ATG10: variants seen among roughly 807,000 people sequenced by gnomAD.
ATG10 encodes the protein ubiquitin-like-conjugating enzyme ATG10.
A neutral mutation model predicts 32.1 loss-of-function variants in ATG10; 30 were observed. The ratio of observed to expected loss-of-function variants is 0.94; its 90% CI spans 0.70 to 1.27. The LOEUF (loss-of-function observed/expected upper bound fraction) is 1.27, where lower values mean the gene tolerates loss of function less well. ATG10 is among the 50% of genes most tolerant of loss of function. ATG10 has a pLI of 0.00. For synonymous variants in ATG10, 87 were observed against 91.5 expected (o/e 0.95, Z 0.28); for missense variants, 233 against 262.3 (o/e 0.89, Z 0.77).
chr5:82,090,710 TG>T (rs1334173731), intron 3 of ATG10, among the ~76,000 whole-genome samples: 1 of 152,196 alleles, frequency 6.6e-6, no homozygotes, highest in Non-Finnish European at 1.5e-5. Context: ...TGCACTGCAC[TG>T]TATCAGTGCA....
At chr5:82,007,007 C>A (rs1191083057) in intron 2 of ATG10, among the ~76,000 whole-genome samples, 2 of 152,072 alleles carry the variant, frequency 1.3e-5, no homozygotes, top group Non-Finnish European at 2.9e-5. Context: ...GTGCGTGCCA[C>A]CATGCCCAGC....
At position 82,135,204 on chromosome 5, in the gene ATG10, T is replaced by G. The variant is rs189828682; in HGVS notation, c.217-29195T>G. ...CTGGATTCATTGATTTTTTGAAGGGTTTTTCATGTCTCTGTCTTCTTCAGT... is the reference window on the plus strand; with the variant it reads ...CTGGATTCATTGATTTTTTGAAGGGGTTTTCATGTCTCTGTCTTCTTCAGT... On this transcript the variant is annotated intron_variant, in intron 3 of 7. Transcript: ENST00000282185. Among the ~76,000 whole-genome samples, 538 of 152,208 alleles carry G rather than the reference T, an allele frequency of 3.5e-3. 5 individuals carry two copies. Among genetic ancestry groups the G allele is most frequent in the African/African-American group, 0.012 (518 of 41,538 alleles).
Position 82,077,431 on chromosome 5 carries a change from A to G in ATG10, c.216+18829A>G, listed in dbSNP as rs117730989. Among the ~76,000 whole-genome samples, 6 of 152,372 alleles carry G rather than the reference A, an allele frequency of 3.9e-5. No homozygotes were observed. The East Asian group carries it at 5.8e-4, about 15-fold the overall frequency. ...AGATTTTGAGCAGAATCATGAATAA[A>G]TGAGAGAAACTAGCATTTGTAATAA... On this transcript the variant is annotated intron_variant, in intron 3 of 7. Transcript: ENST00000282185.
chr5:82,115,310 C>G (rs2149819040), intron 3 of ATG10, among the ~76,000 whole-genome samples: 1 of 152,058 alleles, frequency 6.6e-6, no homozygotes, highest in African/African-American at 2.4e-5. Flanking sequence ...TATTAAAGTA[C>G]AACAGTGATG....
intron 1 of ATG10, among the ~76,000 whole-genome samples, chr5:81,985,446 C>T (rs1328137694): frequency 6.6e-6 from 1 of 152,178 alleles, no homozygotes; most frequent in Non-Finnish European, 1.5e-5. Context: ...CTCTTTCCTT[C>T]TGAGTTCAAG....
chr5:82,204,889 C>T (rs923435208), intron 5 of ATG10, among the ~76,000 whole-genome samples: 9 of 151,940 alleles, frequency 5.9e-5, no homozygotes, highest in Admixed American at 1.3e-4. Flanking sequence ...TAGAATTGGA[C>T]GTTATCAGCA....
rs753482269 is a variant in ATG10, at chr5:82,178,557, A to G, written c.423A>G (p.Leu141=). 3.7e-6 allele frequency: 6 copies of G among 1,611,842 alleles called. No homozygotes were observed. The highest frequency in any genetic ancestry group is 3.3e-5 in the Admixed American group (2 of 59,946). The stretch of plus-strand genomic sequence containing the variant: ...ATGAGTGCTATAAGATGCGACTGCT[A>G]CAGGGACCATGGGACACTATTACGC... ...GVHECYKMRL[L]QGPWDTITQQ... is the part of the protein sequence containing the mutation. Residue 141 remains leucine (L), a synonymous_variant, in exon 5 of 8, where the codon CTA becomes CTG. Coordinates refer to ENST00000282185, the MANE Select transcript of ATG10 (RefSeq NM_031482.5).
chr5:82,125,671 C>G (rs1199630438), intron 3 of ATG10, among the ~76,000 whole-genome samples: 6 of 152,154 alleles, frequency 3.9e-5, no homozygotes. Flanking sequence ...GTTGTAGTTA[C>G]CGTAGCCTTG....
In ATG10 at chr5:81,993,312, T is replaced by TTTCCTTCCTTCC. The variant is rs1387031471; in HGVS notation, c.108+5637_108+5638insCTTCCTTCCTTC. Among the ~76,000 whole-genome samples the TTTCCTTCCTTCC allele has an allele frequency of 2.7e-3, 306 of 112,472 alleles. 4 individuals carry two copies. The highest frequency in any genetic ancestry group is 7.1e-3 in the East Asian group (24 of 3,358). 73.8% of individuals were successfully genotyped at this position (112,472 alleles called of 152,430 possible). A position where few individuals can be genotyped will look rare whatever the true frequency, so the allele number is the denominator to read the frequency against. The stretch of plus-strand genomic sequence containing the variant: ...TTCCTTCTTTCTTTCCTTTCTTTCC[T>TTTCCTTCCTTCC]TTCTTTCTTTCTTTCCTTCCTTCCT... On this transcript the variant is annotated intron_variant, in intron 2 of 7. Coordinates refer to ENST00000282185, the MANE Select transcript of ATG10 (RefSeq NM_031482.5).
chr5:82,085,367 C>T (rs1006427910), intron 3 of ATG10, among the ~76,000 whole-genome samples: 13 of 151,746 alleles, frequency 8.6e-5, no homozygotes, highest in African/African-American at 3.1e-4. Flanking sequence ...ACTTAGACTC[C>T]CACACAATAA....
At chr5:82,138,572 A>G (rs996902880) in intron 3 of ATG10, among the ~76,000 whole-genome samples, 7 of 152,148 alleles carry the variant, frequency 4.6e-5, no homozygotes, top group Non-Finnish European at 8.8e-5. Context: ...ACGAGTCCCA[A>G]TGAGATGAAC....
At chr5:82,117,305 A>T (rs1433119547) in intron 3 of ATG10, among the ~76,000 whole-genome samples, 2 of 152,142 alleles carry the variant, frequency 1.3e-5, no homozygotes, top group Non-Finnish European at 2.9e-5. Flanking sequence ...TTTCACTGAG[A>T]AGAACCTTGA....
chr5:82,154,191 C>A (rs1296766145), intron 3 of ATG10, among the ~76,000 whole-genome samples: 1 of 152,116 alleles, frequency 6.6e-6, no homozygotes, highest in African/African-American at 2.4e-5. Context: ...TTTTAGTGTT[C>A]ATTAATGATG....
rs549455227 is a variant in ATG10, at chr5:82,069,406, C to T, written c.216+10804C>T. Among the ~76,000 whole-genome samples the T allele has an allele frequency of 4.6e-5, 7 of 152,150 alleles. No homozygotes were observed. The East Asian group carries it at 9.7e-4, about 21-fold the overall frequency. On this transcript the variant is annotated intron_variant, in intron 3 of 7. Coordinates refer to ENST00000282185, the MANE Select transcript of ATG10 (RefSeq NM_031482.5). ...CTTATATAGCCCCTGATATTTCATC[C>T]ACTAATACCTGAAATGCTCACTATG...
chr5:82,081,438 G>A (rs111842222), intron 3 of ATG10, among the ~76,000 whole-genome samples: 28,537 of 152,138 alleles, frequency 0.19, 3,100 homozygotes, highest in Middle Eastern at 0.28. Flanking sequence ...TCTTGTGCCA[G>A]TTTTCAAAGG....
intron 2 of ATG10, among the ~76,000 whole-genome samples, chr5:81,995,088 A>G (rs1159496679): frequency 1.3e-5 from 2 of 151,978 alleles, no homozygotes; most frequent in East Asian, 3.9e-4. Flanking sequence ...TTGAGATGCA[A>G]CCTTTGAGGA....
At chr5:82,164,269 T>C in intron 3 of ATG10, 130 bp from the exon 4 acceptor site, 1 of 911,236 alleles carries the variant, frequency 1.1e-6, no homozygotes, top group East Asian at 2.6e-5. Flanking sequence ...GAAACTCCCT[T>C]TTCCTTGCCT....
Position 82,179,826 on chromosome 5 carries a change from A to G in ATG10, c.453+1239A>G, listed in dbSNP as rs192514563. 3.0e-3 allele frequency among the ~76,000 whole-genome samples: 450 copies of G among 152,272 alleles called. 2 individuals carry two copies. Among genetic ancestry groups the G allele is most frequent in the South Asian group, 6.2e-3 (30 of 4,830 alleles). On this transcript the variant is annotated intron_variant, in intron 5 of 7. Coordinates refer to ENST00000282185, the MANE Select transcript of ATG10 (RefSeq NM_031482.5). ...AATGACAGTTTACCTCCCAATCAAC[A>G]TAAGAATCCTTAGCATCTTGTAAGT...
chr5:82,139,056 C>T (rs1398814017), intron 3 of ATG10, among the ~76,000 whole-genome samples: 2 of 149,728 alleles, frequency 1.3e-5, no homozygotes, highest in Non-Finnish European at 3.0e-5. Context: ...GTTGGCCGGG[C>T]CGGTCTCCAG....
Sources: gnomAD v4.1 joint callset for allele counts (sites outside exome capture counted in the v4.1 genomes callset) on GRCh38, gnomAD v4.1.1 for gene constraint, MANE v1.5 for transcripts, NCBI Gene and HGNC (gene_info 2026-07-23, HGNC 2026-07-21) for gene names.